Variants in ITGAV observed in about 807,000 individuals in gnomAD.
ITGAV encodes the protein integrin alpha-V.
In ITGAV, 76 loss-of-function variants were observed where a neutral mutation model predicts 143.8. That is an observed-to-expected ratio of 0.53 (90% CI 0.44 to 0.64). The LOEUF (loss-of-function observed/expected upper bound fraction) is 0.64, where lower values mean the gene tolerates loss of function less well. Ranked by LOEUF, ITGAV falls within the 30% of genes least tolerant of loss-of-function variation. The probability of loss-of-function intolerance (pLI) is 0.00; values close to 1 mark genes in which losing one functional copy is unlikely to be tolerated. For missense variants in ITGAV, 1,193 were observed against 1,274.7 expected, an observed-to-expected ratio of 0.94 and a Z score of 0.98; for synonymous variants, 453 against 446.7, an observed-to-expected ratio of 1.01 and a Z score of -0.18.
intron 1 of ITGAV, among the ~76,000 whole-genome samples, chr2:186,596,344 C>A (rs901539357): frequency 6.6e-6 from 1 of 152,062 alleles, no homozygotes; most frequent in African/African-American, 2.4e-5. Context: ...AGTTCTCTTA[C>A]CCTAATTAAG....
At chr2:186,662,109 AATATTT>A (rs1688764385) in intron 18 of ITGAV, among the ~76,000 whole-genome samples, 1 of 152,122 alleles carries the variant, frequency 6.6e-6, no homozygotes, top group African/African-American at 2.4e-5. Context: ...CAGTTTTATT[AATATTT>A]TATACATATG....
At chr2:186,657,349 C>T (rs1688619223) in intron 17 of ITGAV, among the ~76,000 whole-genome samples, 1 of 152,082 alleles carries the variant, frequency 6.6e-6, no homozygotes, top group Non-Finnish European at 1.5e-5. Context: ...GAAAACTGAC[C>T]ATGCATAGGC....
chr2:186,595,657 A>C (rs1223103037), intron 1 of ITGAV, among the ~76,000 whole-genome samples: 1 of 149,396 alleles, frequency 6.7e-6, no homozygotes, highest in East Asian at 2.0e-4. Flanking sequence ...GAAGTCCCAG[A>C]GAGTTATTTA....
At chr2:186,648,902 AT>A (rs1344624307) in intron 13 of ITGAV, among the ~76,000 whole-genome samples, 1 of 149,864 alleles carries the variant, frequency 6.7e-6, no homozygotes, top group East Asian at 1.9e-4. Context: ...AAAAATAATC[AT>A]TTTCATTTGT....
chr2:186,649,457 C>T (rs957434672), intron 13 of ITGAV, among the ~76,000 whole-genome samples: 3 of 151,664 alleles, frequency 2.0e-5, no homozygotes, highest in Non-Finnish European at 2.9e-5. Context: ...TATATATATA[C>T]ACACACACAC....
In ITGAV at chr2:186,651,719, A is replaced by G. The variant is rs55749041; in HGVS notation, c.1398-263A>G. On this transcript the variant is annotated intron_variant, in intron 14 of 29. Coordinates refer to ENST00000261023, the MANE Select transcript of ITGAV (RefSeq NM_002210.5). Reference sequence around the variant, plus strand: ...ATTCTGCTTTAGTGACTGAATTCATATAGGCCAGCCATTGTCCCACTTTGT... The same window carrying G: ...ATTCTGCTTTAGTGACTGAATTCATGTAGGCCAGCCATTGTCCCACTTTGT... 6.3e-3 allele frequency among the ~76,000 whole-genome samples: 963 copies of G among 152,300 alleles called. 8 individuals are homozygous for G. The highest frequency in any genetic ancestry group is 0.024 in the Middle Eastern group (7 of 294).
In ITGAV at chr2:186,639,928, T is replaced by C. The variant is rs554583294; in HGVS notation, c.904-987T>C. On this transcript the variant is annotated intron_variant, in intron 10 of 29. Coordinates refer to ENST00000261023, the MANE Select transcript of ITGAV (RefSeq NM_002210.5). ...TCAACCTTGTACCCCAAACACAGTA[T>C]ATTTTATTTCACAAGCTCTGAACTT... 3.4e-3 allele frequency among the ~76,000 whole-genome samples: 512 copies of C among 152,326 alleles called. 4 individuals carry two copies. Among genetic ancestry groups the C allele is most frequent in the Non-Finnish European group, 6.4e-3 (437 of 68,026 alleles).
In ITGAV at chr2:186,677,098, A is replaced by G. The variant is rs1689234518; in HGVS notation, c.3052-99A>G. 7 of 1,258,950 alleles carry G rather than the reference A, an allele frequency of 5.6e-6. No individual in the cohort carries two copies. In the South Asian group the frequency reaches 9.1e-5, roughly 16 times the overall value. The allele number at this position is 1,258,950 out of a possible 1,614,324, so 78.0% of individuals were successfully genotyped here. ...TGAGGGAAGATAAATTTTATGAAAT[A>G]CAATTTAAATGTTCTTAGTGGTAAT... On this transcript the variant is annotated intron_variant, in intron 29 of 29. Coordinates refer to ENST00000261023, the MANE Select transcript of ITGAV (RefSeq NM_002210.5).
chr2:186,656,226 TA>T lies in ITGAV; in HGVS notation c.1565-18del. ...ATGTCCATAAAGAATATGTTGGTTA[TA>T]AATCCTTTGGTTTACATAGATTTCC... On this transcript the variant is annotated intron_variant, in intron 16 of 29. Transcript: ENST00000261023. 6.4e-7 allele frequency: 1 copy of T among 1,566,464 alleles called. No homozygotes were observed.
chr2:186,661,873 GC>G (rs1031560484), intron 18 of ITGAV, among the ~76,000 whole-genome samples: 1 of 152,034 alleles, frequency 6.6e-6, no homozygotes, highest in African/African-American at 2.4e-5. Context: ...GAGATTACAG[GC>G]ATGAGCCACC....
chr2:186,657,167 G>T (rs986875584), intron 17 of ITGAV, among the ~76,000 whole-genome samples: 1 of 152,144 alleles, frequency 6.6e-6, no homozygotes, highest in Non-Finnish European at 1.5e-5. Flanking sequence ...GGCCAAAGCA[G>T]GAGGATCACT....
chr2:186,594,104 A>T (rs1044043325), intron 1 of ITGAV, among the ~76,000 whole-genome samples: 2 of 152,176 alleles, frequency 1.3e-5, no homozygotes, highest in African/African-American at 4.8e-5. Flanking sequence ...TCATGTTTGC[A>T]ATATCTGGAA....
intron 5 of ITGAV, among the ~76,000 whole-genome samples, chr2:186,633,016 G>C (rs1345805136): frequency 6.6e-6 from 1 of 151,176 alleles, no homozygotes; most frequent in Non-Finnish European, 1.5e-5. Flanking sequence ...TAGACAGATA[G>C]ATACATAGAC....
At chr2:186,604,758 C>T (rs1361442995) in intron 2 of ITGAV, among the ~76,000 whole-genome samples, 1 of 152,136 alleles carries the variant, frequency 6.6e-6, no homozygotes, top group Non-Finnish European at 1.5e-5. Flanking sequence ...CCTTCAGTAT[C>T]CCTTTTCCTG....
chr2:186,660,410 C>T lies in ITGAV; in HGVS notation c.1857+1235C>T, dbSNP rs371019926. 4 of 152,218 alleles carry T rather than the reference C, an allele frequency of 2.6e-5. No individual in the cohort carries two copies. The South Asian group carries it at 8.3e-4, about 32-fold the overall frequency. 9.4% of individuals were successfully genotyped at this position (152,218 alleles called of 1,614,324 possible). The stretch of plus-strand genomic sequence containing the variant: ...CCTCTGTGTCCTACATTTGTTCCAT[C>T]AGTGACATTATTAAGTTTTAGGTAT... On this transcript the variant is annotated intron_variant, in intron 18 of 29. Coordinates refer to ENST00000261023, the MANE Select transcript of ITGAV (RefSeq NM_002210.5).
At chr2:186,606,424 A>T (rs1240841177) in intron 2 of ITGAV, among the ~76,000 whole-genome samples, 1 of 152,200 alleles carries the variant, frequency 6.6e-6, no homozygotes, top group African/African-American at 2.4e-5. Context: ...GGTGTGGATT[A>T]CATCGCATGA....
At chr2:186,676,498 G>A (rs944140542) in intron 28 of ITGAV, among the ~76,000 whole-genome samples, 9 of 152,096 alleles carry the variant, frequency 5.9e-5, no homozygotes, top group African/African-American at 2.2e-4. Flanking sequence ...CAACTACTGG[G>A]GAGGCTGAAG....
In ITGAV at chr2:186,635,375, C is replaced by G. The variant is rs1408791934; in HGVS notation, c.632-707C>G. Among the ~76,000 whole-genome samples the G allele has an allele frequency of 2.0e-5, 3 of 152,124 alleles. No homozygotes were observed. The South Asian group carries it at 6.2e-4, about 32-fold the overall frequency. On this transcript the variant is annotated intron_variant, in intron 6 of 29. Transcript: ENST00000261023. Reference sequence around the variant, plus strand: ...ATATGTTCTTGGTACCGCTGAAGCCCAGATGATAAAGTAGTGACCTGGACA... The same window carrying G: ...ATATGTTCTTGGTACCGCTGAAGCCGAGATGATAAAGTAGTGACCTGGACA...
At chr2:186,654,806 T>C (rs1422601508) in intron 16 of ITGAV, 98 bp downstream of exon 16, 2 of 563,938 alleles carry the variant, frequency 3.5e-6, no homozygotes, top group South Asian at 5.4e-5. Flanking sequence ...TGAATTGTTA[T>C]TATAATTTTT....
Sources: gnomAD v4.1 joint callset for allele counts (sites outside exome capture counted in the v4.1 genomes callset) on GRCh38, gnomAD v4.1.1 for gene constraint, MANE v1.5 for transcripts, NCBI Gene and HGNC (gene_info 2026-07-23, HGNC 2026-07-21) for gene names.